ASTN2: variants seen among roughly 807,000 people sequenced by gnomAD.
ASTN2 encodes astrotactin-2.
A neutral mutation model predicts 139.8 loss-of-function variants in ASTN2; 54 were observed. The observed-to-expected ratio is 0.39, with a 90% CI of 0.31 to 0.48. The LOEUF (loss-of-function observed/expected upper bound fraction) is 0.48. Among genes scored for constraint, ASTN2 ranks in the 20% least tolerant of loss-of-function variants. The pLI, the probability that ASTN2 is intolerant of heterozygous loss-of-function variation, is 0.95. For missense variants in ASTN2, 1,565 were observed against 1,725.1 expected (o/e 0.91, Z 1.64); for synonymous variants, 756 against 719.5 (o/e 1.05, Z -0.81).
chr9:116,715,362 C>T (rs912772355), intron 16 of ASTN2, among the ~76,000 whole-genome samples: 3 of 152,150 alleles, frequency 2.0e-5, no homozygotes, highest in Non-Finnish European at 2.9e-5. Context: ...GATGCAGGTA[C>T]TATATTGCTC....
rs148724828 is a variant in ASTN2, at chr9:116,933,979, C to CTTTTT, written c.1889+41224_1889+41228dup. Among the ~76,000 whole-genome samples, 840 of 86,780 alleles carry CTTTTT rather than the reference C, an allele frequency of 9.7e-3. 98 individuals carry two copies. The highest frequency in any genetic ancestry group is 0.032 in the African/African-American group (679 of 21,094). The allele number at this position is 86,780 out of a possible 152,430, so 56.9% of individuals were successfully genotyped here. On this transcript the variant is annotated intron_variant, in intron 10 of 22. Transcript: ENST00000313400. ...ACCTCAGTTGTGCGAAGTGTTAGTC[C>CTTTTT]TTTTTTTTTTTTTTTTTTTTTTTCT...
chr9:116,626,168 T>TG (rs1856450455), intron 17 of ASTN2, among the ~76,000 whole-genome samples: 1 of 126,496 alleles, frequency 7.9e-6, no homozygotes, highest in Non-Finnish European at 1.6e-5. Context: ...TTTTTTTTTT[T>TG]TTTTTTTTTT....
At chr9:117,168,734 C>T (rs1478259629) in intron 3 of ASTN2, among the ~76,000 whole-genome samples, 3 of 152,102 alleles carry the variant, frequency 2.0e-5, no homozygotes, top group African/African-American at 7.2e-5. Context: ...GTAAAAAATA[C>T]GCATTTAATA....
chr9:116,933,979 CTTTTTT>C lies in ASTN2; in HGVS notation c.1889+41223_1889+41228del, dbSNP rs148724828. Among the ~76,000 whole-genome samples, 863 of 86,898 alleles carry C rather than the reference CTTTTTT, an allele frequency of 9.9e-3. 41 individuals are homozygous for C. The highest frequency in any genetic ancestry group is 0.09 in the Middle Eastern group (15 of 166). 57.0% of individuals were successfully genotyped at this position (86,898 alleles called of 152,430 possible). A position where few individuals can be genotyped will look rare whatever the true frequency, so the allele number is the denominator to read the frequency against. ...ACCTCAGTTGTGCGAAGTGTTAGTC[CTTTTTT>C]TTTTTTTTTTTTTTTTTCTGGATCA... is the stretch of plus-strand genomic sequence containing the variant. On this transcript the variant is annotated intron_variant, in intron 10 of 22. Transcript: ENST00000313400.
intron 19 of ASTN2, among the ~76,000 whole-genome samples, chr9:116,616,712 T>C (rs1283897237): frequency 6.6e-6 from 1 of 152,104 alleles, no homozygotes; most frequent in Non-Finnish European, 1.5e-5. Context: ...TGGAGGACTT[T>C]CATTTCCCTT....
chr9:116,509,515 T>C (rs1379807610), intron 19 of ASTN2, among the ~76,000 whole-genome samples: 1 of 152,204 alleles, frequency 6.6e-6, no homozygotes. Flanking sequence ...ATCCTTTGGG[T>C]ATATACCCAG....
At chr9:116,687,555 C>G (rs1197342546) in intron 16 of ASTN2, among the ~76,000 whole-genome samples, 2 of 95,848 alleles carry the variant, frequency 2.1e-5, no homozygotes, top group Non-Finnish European at 4.1e-5. Flanking sequence ...CTGCGAGGGG[C>G]AGGCTCGGGA....
At chr9:116,908,548 T>C (rs1325483078) in intron 10 of ASTN2, among the ~76,000 whole-genome samples, 3 of 152,242 alleles carry the variant, frequency 2.0e-5, no homozygotes, top group African/African-American at 7.2e-5. Context: ...GTTTTTATTC[T>C]GGTTGTTTCC....
chr9:117,066,617 T>C lies in ASTN2; in HGVS notation c.1277-26652A>G, dbSNP rs1157161815. On this transcript the variant is annotated intron_variant, in intron 5 of 22. Transcript: ENST00000313400. Reference sequence around the variant, plus strand: ...ACACTGACTTCCACAATGGTTGAACTAGTTTACAGTACCACCAACAGTATA... The same window carrying C: ...ACACTGACTTCCACAATGGTTGAACCAGTTTACAGTACCACCAACAGTATA... 7.9e-5 allele frequency among the ~76,000 whole-genome samples: 12 copies of C among 151,210 alleles called. No individual in the cohort carries two copies. The East Asian group carries it at 2.4e-3, about 30-fold the overall frequency.
chr9:116,603,378 C>A (rs1195201353), intron 19 of ASTN2, among the ~76,000 whole-genome samples: 1 of 152,076 alleles, frequency 6.6e-6, no homozygotes, highest in Non-Finnish European at 1.5e-5. Flanking sequence ...TTTTATGGAA[C>A]AATATCATGT....
At chr9:117,095,977 C>A (rs1303332082) in intron 5 of ASTN2, 67 bp downstream of exon 5, 2 of 1,488,430 alleles carry the variant, frequency 1.3e-6, no homozygotes, top group African/African-American at 2.8e-5. Flanking sequence ...CTAGTGAACA[C>A]AAAATCTGAT....
rs149609499 is a variant in ASTN2 at position 117,372,966 on chromosome 9, T to C, written c.442+41531A>G. 2.5e-4 allele frequency among the ~76,000 whole-genome samples: 38 copies of C among 152,312 alleles called. No individual in the cohort carries two copies. The East Asian group carries it at 6.8e-3, about 27-fold the overall frequency. ...TTCTTAGATGTAGCATCATGTCTGG[T>C]AAGTCACTGAACTTCTCTGAGACTC... On this transcript the variant is annotated intron_variant, in intron 1 of 22. Transcript: ENST00000313400.
intron 10 of ASTN2, among the ~76,000 whole-genome samples, chr9:116,882,547 G>A (rs961154359): frequency 2.6e-5 from 4 of 152,144 alleles, no homozygotes; most frequent in Non-Finnish European, 5.9e-5. Flanking sequence ...AGTGTCATGA[G>A]TACGGAGGCA....
chr9:117,194,251 A>G (rs766110245), intron 3 of ASTN2, among the ~76,000 whole-genome samples: 4 of 152,076 alleles, frequency 2.6e-5, no homozygotes, highest in Admixed American at 6.5e-5. Flanking sequence ...AATTATCTTC[A>G]TCCTTCAGAT....
intron 19 of ASTN2, among the ~76,000 whole-genome samples, chr9:116,593,951 A>G (rs1854470447): frequency 6.6e-6 from 1 of 152,186 alleles, no homozygotes; most frequent in Non-Finnish European, 1.5e-5. Context: ...GGACAGTTCC[A>G]ATGTGAGTTC....
rs1491484294 is a variant in ASTN2, at chr9:117,045,987, C to CGTAT, written c.1277-6023_1277-6022insATAC. Among the ~76,000 whole-genome samples the CGTAT allele has an allele frequency of 7.8e-3, 1,111 of 141,896 alleles. 10 individuals are homozygous for CGTAT. The highest frequency in any genetic ancestry group is 0.024 in the African/African-American group (913 of 38,328). The allele number at this position is 141,896 out of a possible 152,430, so 93.1% of individuals were successfully genotyped here. On this transcript the variant is annotated intron_variant, in intron 5 of 22. Coordinates refer to ENST00000313400, the MANE Select transcript of ASTN2 (RefSeq NM_001365068.1). ...ATGTATGTATGTATGTATGTACGTA[C>CGTAT]GTACGTATGTATGTATGTATGTATG...
intron 5 of ASTN2, among the ~76,000 whole-genome samples, chr9:117,058,958 G>A (rs936387207): frequency 4.6e-5 from 7 of 152,180 alleles, no homozygotes; most frequent in Non-Finnish European, 1.0e-4. Flanking sequence ...CATGCAAAAC[G>A]TTGAAGGCCA....
intron 10 of ASTN2, among the ~76,000 whole-genome samples, chr9:116,929,612 A>C (rs964719687): frequency 8.5e-5 from 13 of 152,152 alleles, no homozygotes; most frequent in African/African-American, 2.9e-4. Flanking sequence ...TTGGGAAACA[A>C]AATAGCACTT....
At chr9:117,226,902 C>G (rs1375150112) in intron 2 of ASTN2, among the ~76,000 whole-genome samples, 2 of 152,156 alleles carry the variant, frequency 1.3e-5, no homozygotes, top group East Asian at 3.9e-4. Flanking sequence ...ATGTGAGATC[C>G]CTAATATTGT....
Sources: allele counts gnomAD v4.1 joint callset (sites outside exome capture counted in the v4.1 genomes callset), GRCh38; gene constraint gnomAD v4.1.1; transcripts MANE v1.5; gene names NCBI Gene and HGNC (gene_info 2026-07-23, HGNC 2026-07-21).